The following GRB10 variants were observed in gnomAD, a reference collection of about 807,000 sequenced individuals.
GRB10 encodes growth factor receptor bound protein 10.
GRB10 carries 20 observed loss-of-function variants against 80.9 expected under a neutral mutation model. The ratio of observed to expected loss-of-function variants is 0.25; its 90% CI spans 0.17 to 0.36. The LOEUF (loss-of-function observed/expected upper bound fraction) is 0.36, where lower values mean the gene tolerates loss of function less well. GRB10 is among the 10% of genes least tolerant of loss of function. The pLI is 1.00. For missense variants in GRB10, 548 were observed against 747.7 expected (o/e 0.73, Z 3.12); for synonymous variants, 291 against 291.5 (o/e 1.00, Z 0.02).
intron 2 of GRB10, among the ~76,000 whole-genome samples, chr7:50,775,155 T>G: frequency 7.4e-5 from 1 of 13,496 alleles, no homozygotes; most frequent in Non-Finnish European, 2.3e-4. Context: ...AGTGAGATCC[T>G]GTCTCCAAAA....
At chr7:50,607,342 A>AT (rs2048718208) in intron 13 of GRB10, among the ~76,000 whole-genome samples, 1 of 152,120 alleles carries the variant, frequency 6.6e-6, no homozygotes, top group South Asian at 2.1e-4. Flanking sequence ...TATATAATAG[A>AT]TTAATATATA....
In GRB10 at chr7:50,775,124, G is replaced by A. The variant is rs372540289; in HGVS notation, c.-217+5503C>T. On this transcript the variant is annotated intron_variant, in intron 2 of 18. Transcript: ENST00000401949. ...TGCAGTGAGCCGAGATCACACCACTGTACTCCAGCCTGAATGACACAGTGA... is the reference window on the plus strand; with the variant it reads ...TGCAGTGAGCCGAGATCACACCACTATACTCCAGCCTGAATGACACAGTGA... Among the ~76,000 whole-genome samples the A allele has an allele frequency of 1.1e-4, 13 of 114,210 alleles. No individual in the cohort carries two copies. In the East Asian group the frequency reaches 3.2e-3, roughly 28 times the overall value. 74.9% of individuals were successfully genotyped at this position (114,210 alleles called of 152,430 possible). A position where few individuals can be genotyped will look rare whatever the true frequency, so the allele number is the denominator to read the frequency against.
At chr7:50,709,753 A>C (rs988316583) in intron 4 of GRB10, among the ~76,000 whole-genome samples, 1 of 152,104 alleles carries the variant, frequency 6.6e-6, no homozygotes, top group Non-Finnish European at 1.5e-5. Context: ...GACTGTGGGC[A>C]TGCCTGTTAG....
In GRB10 at chr7:50,618,102, T is replaced by A. The variant is rs2050986069; in HGVS notation, c.815A>T (p.Gln272Leu). 4.3e-6 allele frequency: 7 copies of A among 1,614,080 alleles called. No individual in the cohort carries two copies. Among genetic ancestry groups the A allele is most frequent in the Non-Finnish European group, 5.1e-6 (6 of 1,179,940 alleles). ...FPEQMVTWCQ[Q>L]SNGSQTQLLQ... ...AAGCTGGGTTTGACTGCCATTTGAC[T>A]GCTGGCACCAAGTAACCATCTGTTC... The change falls in exon 10 of 19, where the codon CAG (glutamine) becomes CTG (leucine). Residue 272 changes from glutamine to leucine, a missense_variant. By Grantham distance (113) the Gln-to-Leu change is moderately radical. Transcript: ENST00000401949.
intron 4 of GRB10, among the ~76,000 whole-genome samples, chr7:50,706,478 T>G (rs1226553484): frequency 1.3e-5 from 2 of 152,198 alleles, no homozygotes; most frequent in Non-Finnish European, 2.9e-5. Flanking sequence ...ACAGTCAAAC[T>G]CTTCTTCACA....
At chr7:50,757,194 C>G (rs1052822467) in intron 2 of GRB10, among the ~76,000 whole-genome samples, 1 of 152,164 alleles carries the variant, frequency 6.6e-6, no homozygotes, top group Non-Finnish European at 1.5e-5. Context: ...AGATGCCACC[C>G]CTTAGCGGCT....
intron 5 of GRB10, among the ~76,000 whole-genome samples, chr7:50,702,529 T>C (rs184229647): frequency 3.3e-5 from 5 of 152,304 alleles, no homozygotes; most frequent in South Asian, 2.1e-4. Flanking sequence ...AGGTGGCCAA[T>C]GTCAAGGGTG....
chr7:50,600,976 A>G (rs776154766), intron 17 of GRB10, among the ~76,000 whole-genome samples: 1 of 152,258 alleles, frequency 6.6e-6, no homozygotes, highest in Non-Finnish European at 1.5e-5. Flanking sequence ...GCCTGGAAAC[A>G]TGGTGAACAT....
rs1481806011 is a variant in GRB10, at chr7:50,659,235, A to G, written c.504+10487T>C. ...GCCAAGAAAACGATAGACGATGCCAAATTTCCCAAACTTACTGAACCTGCA... is the reference window on the plus strand; with the variant it reads ...GCCAAGAAAACGATAGACGATGCCAGATTTCCCAAACTTACTGAACCTGCA... On this transcript the variant is annotated intron_variant, in intron 7 of 18. Transcript: ENST00000401949. Among the ~76,000 whole-genome samples, 6 of 152,190 alleles carry G rather than the reference A, an allele frequency of 3.9e-5. No homozygotes were observed. The East Asian group carries it at 9.6e-4, about 24-fold the overall frequency.
intron 7 of GRB10, among the ~76,000 whole-genome samples, chr7:50,648,745 C>A (rs1237948192): frequency 6.6e-6 from 1 of 152,174 alleles, no homozygotes; most frequent in Non-Finnish European, 1.5e-5. Context: ...TGGAGGTCAT[C>A]AAGGTCACTG....
Position 50,781,737 on chromosome 7 carries a change from G to C in GRB10, c.-327+687C>G, listed in dbSNP as rs1408378533. On this transcript the variant is annotated intron_variant, in intron 1 of 18. Transcript: ENST00000401949. ...GACTGGCGTGTGGAACAGGTGATCC[G>C]ATTGTTTTTCTAAAGAGCAAGGGCT... Among the ~76,000 whole-genome samples, 4 of 152,222 alleles carry C rather than the reference G, an allele frequency of 2.6e-5. No individual in the cohort carries two copies. The East Asian group carries it at 7.7e-4, about 29-fold the overall frequency.
intron 2 of GRB10, among the ~76,000 whole-genome samples, chr7:50,764,203 TCC>T (rs1052732619): frequency 1.3e-5 from 2 of 152,202 alleles, no homozygotes; most frequent in African/African-American, 4.8e-5. Flanking sequence ...CCCTGTCCTG[TCC>T]CTGTCCACCC....
At chr7:50,604,265 T>C in intron 16 of GRB10, 46 bp downstream of exon 16, 5 of 1,524,512 alleles carry the variant, frequency 3.3e-6, no homozygotes, top group Non-Finnish European at 3.6e-6. Flanking sequence ...GGGTGCTGTT[T>C]GATTTTCTTT....
At chr7:50,659,303 A>G (rs986094864) in intron 7 of GRB10, among the ~76,000 whole-genome samples, 1 of 152,166 alleles carries the variant, frequency 6.6e-6, no homozygotes, top group Admixed American at 6.5e-5. Flanking sequence ...CTGGCATTCT[A>G]GAAAATGAGA....
At chr7:50,594,089 G>C (rs919535250) in intron 18 of GRB10, among the ~76,000 whole-genome samples, 4 of 151,836 alleles carry the variant, frequency 2.6e-5, no homozygotes, top group Non-Finnish European at 5.9e-5. Context: ...TGCAGTAGAA[G>C]AACAAAAAGG....
At chr7:50,680,481 T>C (rs1056467035) in intron 5 of GRB10, among the ~76,000 whole-genome samples, 1 of 152,246 alleles carries the variant, frequency 6.6e-6, no homozygotes, top group Non-Finnish European at 1.5e-5. Flanking sequence ...TTTTTCATTA[T>C]GTACAGACAC....
intron 2 of GRB10, among the ~76,000 whole-genome samples, chr7:50,772,589 T>C (rs906614803): frequency 4.6e-5 from 7 of 152,028 alleles, no homozygotes; most frequent in African/African-American, 1.4e-4. Flanking sequence ...AGCAATTAAG[T>C]AAGAAAAAGA....
At chr7:50,593,490 C>G (rs9791817) in intron 18 of GRB10, among the ~76,000 whole-genome samples, 68,614 of 151,914 alleles carry the variant, frequency 0.45, 15,707 homozygotes, top group African/African-American at 0.5. Flanking sequence ...TGGGTCCTCA[C>G]TATACGACCT....
chr7:50,594,058 A>G (rs187135276), intron 18 of GRB10, among the ~76,000 whole-genome samples: 16 of 152,244 alleles, frequency 1.1e-4, no homozygotes, highest in African/African-American at 3.6e-4. Flanking sequence ...TAAAAGAATT[A>G]TAACTGTGTG....
Sources: gnomAD v4.1 joint callset for allele counts (sites outside exome capture counted in the v4.1 genomes callset) on GRCh38, gnomAD v4.1.1 for gene constraint, MANE v1.5 for transcripts, NCBI Gene and HGNC (gene_info 2026-07-23, HGNC 2026-07-21) for gene names.